The following ACOT11 variants were observed in gnomAD, a reference collection of about 807,000 sequenced individuals.
ACOT11 encodes the protein acyl-coenzyme A thioesterase 11.
Under a neutral mutation model 77.5 loss-of-function variants are expected in ACOT11, and 69 were observed. The ratio of observed to expected loss-of-function variants is 0.89; its 90% CI spans 0.73 to 1.09. The LOEUF (loss-of-function observed/expected upper bound fraction) is 1.09, where lower values mean the gene tolerates loss of function less well. Among genes scored for constraint, ACOT11 ranks in the 50% least tolerant of loss-of-function variants. The pLI is 0.00. For missense variants in ACOT11, 766 were observed against 813.7 expected (o/e 0.94, Z 0.71); for synonymous variants, 279 against 313.0 (o/e 0.89, Z 1.15).
intron 4 of ACOT11, 123 bp from the exon 5 acceptor site, chr1:54,593,818 G>A (rs1038161924): frequency 4.2e-5 from 33 of 779,020 alleles, no homozygotes; most frequent in Non-Finnish European, 6.8e-5. Context: ...GACCTGGTAG[G>A]TGGTGCAGAA....
At chr1:54,600,451 G>A (rs1643948052) in intron 8 of ACOT11, among the ~76,000 whole-genome samples, 1 of 152,202 alleles carries the variant, frequency 6.6e-6, no homozygotes, top group African/African-American at 2.4e-5. Flanking sequence ...GGGAGGCCGA[G>A]GCAGGAAGAT....
intron 4 of ACOT11, among the ~76,000 whole-genome samples, chr1:54,593,245 A>G (rs1467100183): frequency 2.0e-5 from 3 of 151,954 alleles, no homozygotes; most frequent in African/African-American, 7.3e-5. Flanking sequence ...ATGCTCAGGT[A>G]CCCCCAGGTG....
chr1:54,549,405 C>T (rs1330346534), intron 1 of ACOT11, among the ~76,000 whole-genome samples: 17 of 152,184 alleles, frequency 1.1e-4, no homozygotes, highest in South Asian at 6.2e-4. Flanking sequence ...CTGCTCTCCG[C>T]GGCTTCGGTG....
At chr1:54,638,673 T>C (rs189190841) in exon 17 of ACOT11, 1 of 152,122 alleles carries the variant, frequency 6.6e-6, no homozygotes, top group Admixed American at 6.6e-5. Context: ...CTGTGTTTTT[T>C]TTTGTTTTTG....
At chr1:54,635,854 G>A (rs116505564) in exon 17 of ACOT11, 3,267 of 152,962 alleles carry the variant, frequency 0.021, 103 homozygotes, top group Admixed American at 0.093. Flanking sequence ...AACCTCTGCA[G>A]CACTAAAACA....
chr1:54,603,591 G>A (rs1363372024), intron 10 of ACOT11, among the ~76,000 whole-genome samples: 1 of 152,148 alleles, frequency 6.6e-6, no homozygotes, highest in Non-Finnish European at 1.5e-5. Flanking sequence ...CCAGGGTGAG[G>A]TCACTCAGCA....
intron 6 of ACOT11, among the ~76,000 whole-genome samples, chr1:54,594,907 C>T (rs1654845672): frequency 6.6e-6 from 1 of 152,220 alleles, no homozygotes; most frequent in Admixed American, 6.5e-5. Flanking sequence ...CATGAAGCTG[C>T]CGTTAGGTCA....
chr1:54,556,297 A>G (rs2100939522), intron 1 of ACOT11, among the ~76,000 whole-genome samples: 1 of 152,292 alleles, frequency 6.6e-6, no homozygotes, highest in African/African-American at 2.4e-5. Context: ...GCTTTGTAGT[A>G]TATTTCGAAA....
At chr1:54,589,017 T>C (rs764092745) in intron 3 of ACOT11, among the ~76,000 whole-genome samples, 2 of 151,706 alleles carry the variant, frequency 1.3e-5, no homozygotes, top group African/African-American at 2.4e-5. Flanking sequence ...CTAATAACTC[T>C]TTTTATATTT....
rs185210837 is a variant in ACOT11, at chr1:54,620,926, G to A, written c.1630-9808G>A. On this transcript the variant is annotated intron_variant, in intron 15 of 16. Transcript: ENST00000371316. The stretch of plus-strand genomic sequence containing the variant: ...TGTAATCCTAGCACTTTGGGAAGCC[G>A]AGGTGGGTGGATTGCCTGAGCTCAG... Among the ~76,000 whole-genome samples the A allele has an allele frequency of 2.0e-3, 300 of 147,776 alleles. 2 individuals carry two copies. Among genetic ancestry groups the A allele is most frequent in the Middle Eastern group, 0.011 (3 of 278 alleles).
At chr1:54,634,898 G>T (rs957792090) in exon 17 of ACOT11, 1 of 505,774 alleles carries the variant, frequency 2.0e-6, no homozygotes, top group Non-Finnish European at 3.5e-6. Flanking sequence ...GTCACAGATG[G>T]CGGAAGAAAA....
At chr1:54,589,536 T>C (rs1319140876) in intron 3 of ACOT11, among the ~76,000 whole-genome samples, 1 of 152,196 alleles carries the variant, frequency 6.6e-6, no homozygotes, top group African/African-American at 2.4e-5. Context: ...AGTGGCACCA[T>C]CATAGCTCAC....
chr1:54,616,045 G>A lies in ACOT11; in HGVS notation c.1629+7977G>A, dbSNP rs540583125. 3.5e-5 allele frequency: 56 copies of A among 1,614,022 alleles called. No individual in the cohort carries two copies. The South Asian group carries it at 3.6e-4, about 10-fold the overall frequency. ...CCTTTTGGGAAGAGCCCAGCACAGC[G>A]TCCAGCCACTGCTCCAGTGTGTTGT... is the stretch of plus-strand genomic sequence containing the variant. On this transcript the variant is annotated intron_variant, in intron 15 of 16. Transcript: ENST00000371316.
intron 4 of ACOT11, among the ~76,000 whole-genome samples, chr1:54,593,022 C>T (rs1158259450): frequency 4.6e-5 from 7 of 152,172 alleles, no homozygotes; most frequent in Admixed American, 3.9e-4. Context: ...TCCCACAGCC[C>T]GTCTCCTCAT....
intron 15 of ACOT11, chr1:54,615,950 G>T: frequency 6.6e-7 from 1 of 1,524,178 alleles, no homozygotes. Context: ...TCCCAGTGAG[G>T]GATCTCTGCA....
In ACOT11 at chr1:54,548,308, C is replaced by G; in HGVS notation, c.-2C>G. The G allele has an allele frequency of 1.9e-6, 3 of 1,597,462 alleles. No homozygotes were observed. The highest frequency in any genetic ancestry group is 1.7e-6 in the Non-Finnish European group (2 of 1,172,560). ...CGCTGCTTTCCCCGGCCACCCGGCG[C>G]GATGATCCAGAATGTCGGAAATCAC... is the stretch of plus-strand genomic sequence containing the variant. On this transcript the variant is annotated 5_prime_UTR_variant, in exon 1 of 16. Coordinates refer to ENST00000343744, the MANE Select transcript of ACOT11 (RefSeq NM_147161.4).
At chr1:54,549,110 T>C (rs900360514) in intron 1 of ACOT11, among the ~76,000 whole-genome samples, 2 of 152,178 alleles carry the variant, frequency 1.3e-5, no homozygotes, top group African/African-American at 4.8e-5. Context: ...TCCCTCCATC[T>C]GCACAGCCAC....
chr1:54,583,275 C>G (rs1164133006), intron 1 of ACOT11, among the ~76,000 whole-genome samples: 1 of 152,128 alleles, frequency 6.6e-6, no homozygotes, highest in East Asian at 1.9e-4. Flanking sequence ...TCTGGGAACC[C>G]ATAAGCCGTT....
chr1:54,582,331 C>G, intron 1 of ACOT11: 2 of 567,176 alleles, frequency 3.5e-6, no homozygotes, highest in South Asian at 1.5e-4. Flanking sequence ...AATTTGAACT[C>G]AAGTCCGTCT....
Sources: allele counts gnomAD v4.1 joint callset (sites outside exome capture counted in the v4.1 genomes callset), GRCh38; gene constraint gnomAD v4.1.1; transcripts MANE v1.5; gene names NCBI Gene and HGNC (gene_info 2026-07-23, HGNC 2026-07-21).